The following GREM2 variants were observed in gnomAD, a reference collection of about 807,000 sequenced individuals.
GREM2 encodes gremlin 2, DAN family BMP antagonist.
In GREM2, 11 loss-of-function variants were observed where a neutral mutation model predicts 14.2. That is an observed-to-expected ratio of 0.78 (90% CI 0.49 to 1.28). The LOEUF (loss-of-function observed/expected upper bound fraction) is 1.28. Ranked by LOEUF, GREM2 falls within the 50% of genes most tolerant of loss-of-function variation. The probability of loss-of-function intolerance (pLI) is 0.00; values close to 1 mark genes in which losing one functional copy is unlikely to be tolerated. For synonymous variants in GREM2, 98 were observed against 97.6 expected, an observed-to-expected ratio of 1.00 and a Z score of -0.02; for missense variants, 210 against 218.5, an observed-to-expected ratio of 0.96 and a Z score of 0.24.
At chr1:240,572,813 C>G (rs539918275) in intron 1 of GREM2, among the ~76,000 whole-genome samples, 2 of 152,238 alleles carry the variant, frequency 1.3e-5, no homozygotes, top group African/African-American at 4.8e-5. Flanking sequence ...CTTGTTTTAA[C>G]TACTTGTCAG....
chr1:240,497,885 A>C (rs1302016625), intron 1 of GREM2, among the ~76,000 whole-genome samples: 4 of 152,164 alleles, frequency 2.6e-5, no homozygotes, highest in Admixed American at 2.6e-4. Context: ...AAAAGAAAGT[A>C]TTTTGGTTCC....
intron 1 of GREM2, among the ~76,000 whole-genome samples, chr1:240,531,123 T>G (rs1391216500): frequency 1.3e-5 from 2 of 152,142 alleles, no homozygotes; most frequent in African/African-American, 4.8e-5. Flanking sequence ...ATTAGAAAAC[T>G]CCCTTAACCA....
At chr1:240,547,089 T>C (rs1459750475) in intron 1 of GREM2, among the ~76,000 whole-genome samples, 1 of 152,116 alleles carries the variant, frequency 6.6e-6, no homozygotes, top group Non-Finnish European at 1.5e-5. Context: ...GTAAAGGCTA[T>C]GCTAGATGGA....
chr1:240,590,867 G>A (rs1679697364), intron 1 of GREM2: 1 of 150,972 alleles, frequency 6.6e-6, no homozygotes, highest in Admixed American at 6.6e-5. Context: ...CTCACTGCAA[G>A]CTCCACCTCC....
rs972142087 is a variant in GREM2, at chr1:240,603,772, CAT to C, written c.-2+8110_-2+8111del. Among the ~76,000 whole-genome samples the C allele has an allele frequency of 5.1e-4, 78 of 151,774 alleles. 1 individual carries two copies. The South Asian group carries it at 6.9e-3, about 13-fold the overall frequency. On this transcript the variant is annotated intron_variant, in intron 1 of 1. Coordinates refer to ENST00000318160, the MANE Select transcript of GREM2 (RefSeq NM_022469.4). ...ATACATACATATACATACACACACACATATATGTTATTGTGTTATTATATATG... is the reference window on the plus strand; with the variant it reads ...ATACATACATATACATACACACACACATATGTTATTGTGTTATTATATATG...
intron 1 of GREM2, among the ~76,000 whole-genome samples, chr1:240,605,143 C>G (rs573073365): frequency 1.3e-5 from 2 of 152,234 alleles, no homozygotes; most frequent in Middle Eastern, 6.8e-3. Context: ...AGGATGGATG[C>G]GTCAGGTTAT....
At chr1:240,554,198 C>T (rs1191797203) in intron 1 of GREM2, among the ~76,000 whole-genome samples, 3 of 151,902 alleles carry the variant, frequency 2.0e-5, no homozygotes, top group African/African-American at 7.3e-5. Flanking sequence ...ATCACCTGAG[C>T]TCAGGAGTTA....
intron 1 of GREM2, among the ~76,000 whole-genome samples, chr1:240,579,168 G>A (rs753008892): frequency 1.2e-4 from 19 of 152,158 alleles, no homozygotes; most frequent in South Asian, 4.1e-4. Flanking sequence ...TCTCCCTGTC[G>A]CCACTGTCTG....
chr1:240,589,839 G>C (rs941220782), intron 1 of GREM2, among the ~76,000 whole-genome samples: 1 of 152,222 alleles, frequency 6.6e-6, no homozygotes, highest in Non-Finnish European at 1.5e-5. Context: ...AATTCTGGCA[G>C]AGACAGAAAG....
intron 1 of GREM2, among the ~76,000 whole-genome samples, chr1:240,525,183 C>T (rs748936636): frequency 9.9e-5 from 15 of 152,278 alleles, no homozygotes; most frequent in Non-Finnish European, 1.3e-4. Context: ...ACACTTACTG[C>T]GCAAGAAATG....
intron 1 of GREM2, among the ~76,000 whole-genome samples, chr1:240,541,893 G>C (rs1678597605): frequency 6.6e-6 from 1 of 152,146 alleles, no homozygotes. Flanking sequence ...CAGAATGGCA[G>C]TGCACAGTTG....
At chr1:240,518,652 G>A (rs1678006649) in intron 1 of GREM2, among the ~76,000 whole-genome samples, 1 of 152,166 alleles carries the variant, frequency 6.6e-6, no homozygotes, top group African/African-American at 2.4e-5. Context: ...TGAAAATCAT[G>A]TTCTCATCAA....
chr1:240,498,923 A>C (rs1015230701), intron 1 of GREM2, among the ~76,000 whole-genome samples: 1 of 152,236 alleles, frequency 6.6e-6, no homozygotes, highest in Non-Finnish European at 1.5e-5. Flanking sequence ...TGATGGTCTA[A>C]GCAGACTGGG....
At chr1:240,528,038 TAATA>T (rs1389812761) in intron 1 of GREM2, among the ~76,000 whole-genome samples, 1 of 152,194 alleles carries the variant, frequency 6.6e-6, no homozygotes, top group East Asian at 1.9e-4. Context: ...ACAATACTTA[TAATA>T]GATAATCCTC....
intron 1 of GREM2, among the ~76,000 whole-genome samples, chr1:240,552,060 A>G (rs1678863943): frequency 6.6e-6 from 1 of 152,176 alleles, no homozygotes; most frequent in African/African-American, 2.4e-5. Context: ...TACATACTTC[A>G]TATACTGGAT....
intron 1 of GREM2, among the ~76,000 whole-genome samples, chr1:240,550,168 A>G (rs1172918773): frequency 1.3e-5 from 2 of 152,074 alleles, no homozygotes; most frequent in Admixed American, 6.6e-5. Context: ...GATTACAAGC[A>G]TGGGCCACCA....
chr1:240,585,512 T>C (rs79526864), intron 1 of GREM2, among the ~76,000 whole-genome samples: 1 of 151,936 alleles, frequency 6.6e-6, no homozygotes, highest in Admixed American at 6.6e-5. Context: ...GGAGGATCAC[T>C]TGAGGTCTGG....
chr1:240,587,403 C>A (rs1349039660), intron 1 of GREM2, among the ~76,000 whole-genome samples: 2 of 151,146 alleles, frequency 1.3e-5, no homozygotes. Flanking sequence ...CTTACTGCAA[C>A]CTCACCCTCG....
intron 1 of GREM2, among the ~76,000 whole-genome samples, chr1:240,545,916 C>G (rs1233112237): frequency 1.3e-5 from 2 of 152,066 alleles, no homozygotes; most frequent in African/African-American, 4.8e-5. Context: ...GTTTAATTAA[C>G]CAAGTAATGC....
Sources: allele counts gnomAD v4.1 joint callset (sites outside exome capture counted in the v4.1 genomes callset), GRCh38; gene constraint gnomAD v4.1.1; transcripts MANE v1.5; gene names NCBI Gene and HGNC (gene_info 2026-07-23, HGNC 2026-07-21).